Variants in CHD9 observed in about 807,000 individuals in gnomAD.
The protein encoded by CHD9 is ATP-dependent chromatin remodeler CHD9.
CHD9 carries 77 observed loss-of-function variants against 316.1 expected under a neutral mutation model. The observed-to-expected ratio is 0.24, with a 90% CI of 0.20 to 0.29. The LOEUF is 0.29. Among genes scored for constraint, CHD9 ranks in the 10% least tolerant of loss-of-function variants. The probability of loss-of-function intolerance (pLI) is 1.00; values close to 1 mark genes in which losing one functional copy is unlikely to be tolerated. For synonymous variants in CHD9, 1,129 were observed against 1,158.3 expected (o/e 0.97, Z 0.51); for missense variants, 2,763 against 3,438.1 (o/e 0.80, Z 4.91).
chr16:53,149,187 C>G (rs76953257), intron 1 of CHD9, among the ~76,000 whole-genome samples: 184 of 152,240 alleles, frequency 1.2e-3, no homozygotes, highest in African/African-American at 4.1e-3. Context: ...ATGGCCAATC[C>G]TGGAGAATGT....
intron 1 of CHD9, among the ~76,000 whole-genome samples, chr16:53,137,206 T>C (rs1420636382): frequency 6.6e-6 from 1 of 152,116 alleles, no homozygotes; most frequent in Non-Finnish European, 1.5e-5. Flanking sequence ...TCTCTTGACC[T>C]CCTGACCTGC....
chr16:53,219,831 T>C (rs1018388464), intron 3 of CHD9, among the ~76,000 whole-genome samples: 8 of 152,170 alleles, frequency 5.3e-5, no homozygotes, highest in Non-Finnish European at 1.2e-4. Context: ...CCTTTTAAAA[T>C]TGTATGAACA....
At chr16:53,154,455 T>C (rs1464085179) in intron 1 of CHD9, among the ~76,000 whole-genome samples, 3 of 152,192 alleles carry the variant, frequency 2.0e-5, no homozygotes, top group Non-Finnish European at 4.4e-5. Context: ...AGGTCCCTAA[T>C]ATTAAGGAGC....
intron 2 of CHD9, among the ~76,000 whole-genome samples, chr16:53,185,174 GA>G (rs1453070332): frequency 3.9e-5 from 6 of 152,188 alleles, no homozygotes; most frequent in African/African-American, 1.4e-4. Context: ...GAACAGTTTG[GA>G]GGTCTCAGAA....
intron 19 of CHD9, among the ~76,000 whole-genome samples, chr16:53,259,169 G>A (rs1431827430): frequency 6.6e-6 from 1 of 152,116 alleles, no homozygotes; most frequent in Non-Finnish European, 1.5e-5. Flanking sequence ...CAATCCTTGA[G>A]AATCATGTAA....
intron 22 of CHD9, among the ~76,000 whole-genome samples, chr16:53,270,743 A>G (rs997688380): frequency 2.0e-5 from 3 of 152,188 alleles, no homozygotes; most frequent in African/African-American, 4.8e-5. Flanking sequence ...GATTTAACCA[A>G]CCTGAGAGGG....
intron 1 of CHD9, among the ~76,000 whole-genome samples, chr16:53,096,854 C>T (rs993116456): frequency 5.3e-5 from 8 of 152,150 alleles, no homozygotes; most frequent in Non-Finnish European, 1.0e-4. Context: ...TCCAAGGTGT[C>T]GCATGGTGAG....
chr16:53,216,966 A>G (rs901093552), intron 3 of CHD9, among the ~76,000 whole-genome samples: 1 of 152,158 alleles, frequency 6.6e-6, no homozygotes, highest in Non-Finnish European at 1.5e-5. Flanking sequence ...CATCTTATGA[A>G]CCATAGCATG....
At chr16:53,292,715 A>G (rs1054970480) in intron 28 of CHD9, 118 bp from the exon 29 acceptor site, 2 of 749,732 alleles carry the variant, frequency 2.7e-6, no homozygotes, top group African/African-American at 3.6e-5. Context: ...AGGATGAGAA[A>G]TATGTTTTTT....
chr16:53,206,054 G>C (rs1208800159), intron 2 of CHD9, among the ~76,000 whole-genome samples: 1 of 151,996 alleles, frequency 6.6e-6, no homozygotes, highest in East Asian at 1.9e-4. Flanking sequence ...CCAGGTTCAA[G>C]CAGTTCTCCT....
Position 53,157,530 on chromosome 16 carries a change from T to G in CHD9, c.1441T>G (p.Leu481Val), listed in dbSNP as rs778521131. Residue 481 changes from leucine (L) to valine (V), a missense_variant, in exon 2 of 39, where the codon TTA (leucine) becomes GTA (valine). By Grantham distance (32) the Leu-to-Val change is conservative (BLOSUM62 1). Coordinates refer to ENST00000447540, the MANE Select transcript of CHD9 (RefSeq NM_001308319.2). Reference sequence around the variant, plus strand: ...TTTACATGACAGAAATCACCTATGTTTACAGCGACAGGTATGTAGCTCTTT... The same window carrying G: ...TTTACATGACAGAAATCACCTATGTGTACAGCGACAGGTATGTAGCTCTTT... ...QHLHDRNHLC[L>V]QRQPPSSKKS... The G allele has an allele frequency of 6.2e-7, 1 of 1,611,642 alleles. No homozygotes were observed. Among genetic ancestry groups the G allele is most frequent in the Non-Finnish European group, 8.5e-7 (1 of 1,178,088 alleles).
In CHD9 at chr16:53,238,505, T is replaced by G; in HGVS notation, c.2796T>G (p.Asp932Glu). 1 of 1,613,322 alleles carries G rather than the reference T, an allele frequency of 6.2e-7. No homozygotes were observed. The highest frequency in any genetic ancestry group is 8.5e-7 in the Non-Finnish European group (1 of 1,179,424). The part of the protein sequence containing the change: ...NWEREFRTWT[D>E]INVVVYHGSL... ...AGAGAGAATTTCGTACGTGGACTGA[T>G]ATTAACGTTGTGGTTTATCATGGGA... Residue 932 changes from aspartate (D) to glutamate (E), a missense_variant, in exon 12 of 39, where the codon GAT becomes GAG. Coordinates refer to ENST00000447540, the MANE Select transcript of CHD9 (RefSeq NM_001308319.2).
At chr16:53,257,703 G>A (rs1023813264) in intron 19 of CHD9, among the ~76,000 whole-genome samples, 13 of 152,170 alleles carry the variant, frequency 8.5e-5, no homozygotes, top group African/African-American at 3.1e-4. Flanking sequence ...AGATGTCTAG[G>A]AGAGTTGCCT....
Position 53,286,277 on chromosome 16 carries a change from A to T in CHD9, c.5123A>T (p.Glu1708Val). The part of the protein sequence containing the change: ...IRADPALCFL[E>V]RVGKPDEKAV... ...GCAGACCCAGCATTATGCTTCTTGGAAAGAGTGGGAAAACCTGATGAGAAA... is the reference window on the plus strand; with the variant it reads ...GCAGACCCAGCATTATGCTTCTTGGTAAGAGTGGGAAAACCTGATGAGAAA... The change falls in exon 26 of 39, where the codon GAA becomes GTA. Residue 1708 changes from glutamate (E) to valine (V), a missense_variant. Glu to Val is a moderately radical substitution (Grantham distance 121). Coordinates refer to ENST00000447540, the MANE Select transcript of CHD9 (RefSeq NM_001308319.2). 15 of 1,613,426 alleles carry T rather than the reference A, an allele frequency of 9.3e-6. No individual in the cohort carries two copies. Among genetic ancestry groups the T allele is most frequent in the Non-Finnish European group, 1.3e-5 (15 of 1,179,438 alleles).
intron 2 of CHD9, among the ~76,000 whole-genome samples, chr16:53,186,832 A>G (rs1434058717): frequency 6.6e-6 from 1 of 152,148 alleles, no homozygotes; most frequent in Non-Finnish European, 1.5e-5. Context: ...CCTCTACATG[A>G]AGAAGGACAT....
intron 2 of CHD9, among the ~76,000 whole-genome samples, chr16:53,170,431 A>G (rs895897913): frequency 2.0e-5 from 3 of 152,196 alleles, no homozygotes; most frequent in African/African-American, 4.8e-5. Flanking sequence ...ATTTTAACAG[A>G]TGCTCATTAA....
intron 12 of CHD9, among the ~76,000 whole-genome samples, chr16:53,239,148 C>G (rs1567539528): frequency 2.6e-5 from 4 of 152,056 alleles, no homozygotes; most frequent in Admixed American, 2.6e-4. Flanking sequence ...GATGATGTTC[C>G]TCTCTCCATG....
chr16:53,252,076 A>C (rs2152970385), intron 17 of CHD9, among the ~76,000 whole-genome samples: 1 of 152,286 alleles, frequency 6.6e-6, no homozygotes, highest in East Asian at 1.9e-4. Context: ...AGAACCAAAA[A>C]AGAGCCCGCA....
At chr16:53,240,742 A>G (rs1412944967) in intron 12 of CHD9, among the ~76,000 whole-genome samples, 1 of 152,186 alleles carries the variant, frequency 6.6e-6, no homozygotes, top group Non-Finnish European at 1.5e-5. Context: ...ACTAATAACC[A>G]CAAACATTTA....
Sources: gnomAD v4.1 joint callset for allele counts (sites outside exome capture counted in the v4.1 genomes callset) on GRCh38, gnomAD v4.1.1 for gene constraint, MANE v1.5 for transcripts, NCBI Gene and HGNC (gene_info 2026-07-23, HGNC 2026-07-21) for gene names.